Variants in ARHGAP10 observed in about 807,000 individuals in gnomAD.
ARHGAP10 encodes the protein Rho GTPase activating protein 10, also known as rho GTPase-activating protein 10.
A neutral mutation model predicts 108.6 loss-of-function variants in ARHGAP10; 87 were observed. That is an observed-to-expected ratio of 0.80 (90% CI 0.67 to 0.96). The LOEUF is 0.96. Among genes scored for constraint, ARHGAP10 ranks in the 40% least tolerant of loss-of-function variants. ARHGAP10 has a pLI of 0.00. For synonymous variants in ARHGAP10, 347 were observed against 341.1 expected (o/e 1.02, Z -0.19); for missense variants, 939 against 954.5 (o/e 0.98, Z 0.21).
At chr4:147,917,208 ATGG>A (rs140111707) in intron 13 of ARHGAP10, 3,342 of 152,282 alleles carry the variant, frequency 0.022, 56 homozygotes, top group South Asian at 0.046. Flanking sequence ...ATTGGGCCTG[ATGG>A]CATTCTTCAG....
At chr4:147,801,941 A>C (rs1731600480) in intron 1 of ARHGAP10, among the ~76,000 whole-genome samples, 1 of 152,154 alleles carries the variant, frequency 6.6e-6, no homozygotes, top group African/African-American at 2.4e-5. Context: ...ACTCATCCCA[A>C]AACTCTTTGG....
chr4:147,964,471 A>G (rs759978156), intron 16 of ARHGAP10, among the ~76,000 whole-genome samples: 6 of 152,084 alleles, frequency 3.9e-5, no homozygotes, highest in Admixed American at 6.6e-5. Context: ...GTGAGTCTAA[A>G]CTTTTCCCTT....
At chr4:147,909,806 A>G in intron 12 of ARHGAP10, 29 bp downstream of exon 12, 5 of 1,588,022 alleles carry the variant, frequency 3.1e-6, no homozygotes, top group Non-Finnish European at 4.3e-6. Flanking sequence ...AAATGATTGT[A>G]TCCTCCTTTT....
intron 4 of ARHGAP10, among the ~76,000 whole-genome samples, chr4:147,848,599 T>G (rs577953276): frequency 9.2e-5 from 14 of 152,398 alleles, no homozygotes; most frequent in African/African-American, 3.1e-4. Flanking sequence ...CATTCTCTTT[T>G]AACATTTCAT....
intron 8 of ARHGAP10, among the ~76,000 whole-genome samples, chr4:147,878,774 CTTTT>C (rs11384854): frequency 2.4e-5 from 3 of 124,864 alleles, no homozygotes; most frequent in Non-Finnish European, 3.3e-5. Context: ...CCTTCTTCCT[CTTTT>C]TTTTTTTTTT....
chr4:147,835,456 T>C (rs768516155), intron 3 of ARHGAP10, among the ~76,000 whole-genome samples: 5 of 152,230 alleles, frequency 3.3e-5, no homozygotes, highest in Non-Finnish European at 7.4e-5. Context: ...CACTGCAGCC[T>C]CTGCCTCCCA....
Position 147,981,708 on chromosome 4 carries a change from A to G in ARHGAP10, c.1716+14869A>G, listed in dbSNP as rs1578756223. Among the ~76,000 whole-genome samples, 3 of 152,212 alleles carry G rather than the reference A, an allele frequency of 2.0e-5. No homozygotes were observed. The South Asian group carries it at 6.2e-4, about 32-fold the overall frequency. On this transcript the variant is annotated intron_variant, in intron 18 of 22. Coordinates refer to ENST00000336498, the MANE Select transcript of ARHGAP10 (RefSeq NM_024605.4). ...GTCAAAGTATTCTCTTAGGTCTAGA[A>G]GTAATTGTTTTATAAATCTGGGTGT...
chr4:147,950,535 C>T (rs1172661906), intron 15 of ARHGAP10, among the ~76,000 whole-genome samples: 2 of 152,150 alleles, frequency 1.3e-5, no homozygotes, highest in Non-Finnish European at 2.9e-5. Flanking sequence ...CTGCAAATAA[C>T]CCAGCTATCT....
At chr4:148,007,132 T>G (rs900127468) in intron 18 of ARHGAP10, among the ~76,000 whole-genome samples, 1 of 152,248 alleles carries the variant, frequency 6.6e-6, no homozygotes. Flanking sequence ...GGTTACTGTT[T>G]AGAGAGCTAA....
chr4:148,059,717 G>A (rs775411121), intron 20 of ARHGAP10, among the ~76,000 whole-genome samples: 13 of 152,074 alleles, frequency 8.5e-5, no homozygotes, highest in Admixed American at 2.6e-4. Flanking sequence ...GTCTGAAACC[G>A]TACCCTGCTT....
intron 18 of ARHGAP10, among the ~76,000 whole-genome samples, chr4:148,009,211 A>G (rs1318597512): frequency 6.6e-6 from 1 of 151,850 alleles, no homozygotes; most frequent in African/African-American, 2.4e-5. Context: ...GCCCACTGCA[A>G]CCTCTGGCCT....
chr4:147,977,243 C>G (rs28410093), intron 18 of ARHGAP10, among the ~76,000 whole-genome samples: 14,624 of 152,086 alleles, frequency 0.096, 1,610 homozygotes, highest in African/African-American at 0.27. Flanking sequence ...AACAACAAGA[C>G]TACTTGGAAG....
chr4:148,058,116 A>G (rs1276688268), intron 20 of ARHGAP10, among the ~76,000 whole-genome samples: 2 of 152,220 alleles, frequency 1.3e-5, no homozygotes, highest in Non-Finnish European at 2.9e-5. Flanking sequence ...TTCCCATAAT[A>G]TACAGATCTA....
intron 8 of ARHGAP10, among the ~76,000 whole-genome samples, chr4:147,878,049 G>T (rs1408938559): frequency 1.3e-5 from 2 of 151,414 alleles, no homozygotes; most frequent in Non-Finnish European, 2.9e-5. Context: ...CCATTCTTCT[G>T]CCGCACCCTC....
At chr4:147,950,210 A>G (rs145187046) in intron 15 of ARHGAP10, among the ~76,000 whole-genome samples, 3 of 152,208 alleles carry the variant, frequency 2.0e-5, no homozygotes, top group East Asian at 1.9e-4. Context: ...CTTTTCCCCT[A>G]TGTTATTTTT....
intron 3 of ARHGAP10, among the ~76,000 whole-genome samples, chr4:147,835,434 A>T (rs967207150): frequency 4.0e-5 from 6 of 151,504 alleles, no homozygotes; most frequent in African/African-American, 1.5e-4. Context: ...GTGCAGTGGC[A>T]GGATCTTGGC....
At chr4:147,789,886 T>A (rs1362110899) in intron 1 of ARHGAP10, among the ~76,000 whole-genome samples, 1 of 151,998 alleles carries the variant, frequency 6.6e-6, no homozygotes, top group Non-Finnish European at 1.5e-5. Flanking sequence ...GGGAGTCTCA[T>A]CAGCTCCCCA....
chr4:147,822,449 A>G (rs769612402), intron 1 of ARHGAP10, among the ~76,000 whole-genome samples: 13 of 152,214 alleles, frequency 8.5e-5, no homozygotes, highest in Non-Finnish European at 1.5e-4. Context: ...TTAGGGAACA[A>G]TGTGAAATAA....
chr4:147,970,884 T>G (rs769592775), intron 18 of ARHGAP10, among the ~76,000 whole-genome samples: 7 of 152,106 alleles, frequency 4.6e-5, no homozygotes, highest in African/African-American at 7.2e-5. Context: ...GGTCAGGAGT[T>G]CGAGACCAGC....
Sources: allele counts gnomAD v4.1 joint callset (sites outside exome capture counted in the v4.1 genomes callset), GRCh38; gene constraint gnomAD v4.1.1; transcripts MANE v1.5; gene names NCBI Gene and HGNC (gene_info 2026-07-23, HGNC 2026-07-21).